The following KCNH7 variants were observed in gnomAD, a reference collection of about 807,000 sequenced individuals.
The protein encoded by KCNH7 is potassium voltage-gated channel subfamily H member 7.
Under a neutral mutation model 120.8 loss-of-function variants are expected in KCNH7, and 49 were observed. That is an observed-to-expected ratio of 0.41 (90% CI 0.32 to 0.51). KCNH7 has a LOEUF of 0.51. KCNH7 is among the 20% of genes least tolerant of loss of function. The pLI is 0.38. For missense variants in KCNH7, 1,097 were observed against 1,446.6 expected (o/e 0.76, Z 3.92); for synonymous variants, 547 against 516.1 (o/e 1.06, Z -0.81).
chr2:162,488,838 C>G (rs1014127752), intron 6 of KCNH7, among the ~76,000 whole-genome samples: 1 of 152,186 alleles, frequency 6.6e-6, no homozygotes, highest in African/African-American at 2.4e-5. Context: ...GCTCCGACAC[C>G]TTGCCCGGCA....
chr2:162,774,475 A>G (rs940147713), intron 2 of KCNH7, among the ~76,000 whole-genome samples: 1 of 152,038 alleles, frequency 6.6e-6, no homozygotes, highest in Non-Finnish European at 1.5e-5. Flanking sequence ...ATTTGATTGT[A>G]TTTTACAACT....
At chr2:162,425,128 T>C (rs990470233) in intron 8 of KCNH7, among the ~76,000 whole-genome samples, 12 of 152,072 alleles carry the variant, frequency 7.9e-5, no homozygotes, top group Admixed American at 2.0e-4. Flanking sequence ...ACTCCAGCCT[T>C]TGGACTTGCG....
chr2:162,725,213 C>A (rs933310457), intron 2 of KCNH7, among the ~76,000 whole-genome samples: 1 of 152,082 alleles, frequency 6.6e-6, no homozygotes, highest in Non-Finnish European at 1.5e-5. Flanking sequence ...TTTATATTCA[C>A]TTTGATTATA....
intron 2 of KCNH7, among the ~76,000 whole-genome samples, chr2:162,636,919 T>C (rs1488872817): frequency 6.6e-6 from 1 of 152,138 alleles, no homozygotes; most frequent in Non-Finnish European, 1.5e-5. Flanking sequence ...ATTCAATCTG[T>C]TTCTTCACTT....
At chr2:162,549,059 G>A (rs2105852803) in intron 2 of KCNH7, among the ~76,000 whole-genome samples, 1 of 152,164 alleles carries the variant, frequency 6.6e-6, no homozygotes, top group South Asian at 2.1e-4. Context: ...CTTATTTATG[G>A]TCCTATTATC....
intron 2 of KCNH7, among the ~76,000 whole-genome samples, chr2:162,592,801 G>C (rs768401765): frequency 6.6e-6 from 1 of 151,984 alleles, no homozygotes; most frequent in African/African-American, 2.4e-5. Context: ...AGTTTCTGTT[G>C]AGCTGGCCAC....
At chr2:162,605,657 T>G (rs573362861) in intron 2 of KCNH7, among the ~76,000 whole-genome samples, 1 of 152,166 alleles carries the variant, frequency 6.6e-6, no homozygotes, top group Non-Finnish European at 1.5e-5. Context: ...TGGAAGGTGA[T>G]AGATGTGAGT....
chr2:162,396,643 C>T, intron 11 of KCNH7, 97 bp downstream of exon 11: 3 of 817,774 alleles, frequency 3.7e-6, no homozygotes, highest in Non-Finnish European at 5.8e-6. Flanking sequence ...TAAAGTCTTG[C>T]TGCAATATTT....
chr2:162,671,682 A>T (rs923272069), intron 2 of KCNH7, among the ~76,000 whole-genome samples: 1 of 152,092 alleles, frequency 6.6e-6, no homozygotes, highest in African/African-American at 2.4e-5. Context: ...TCTATGTAAC[A>T]TAACTGCATG....
intron 6 of KCNH7, among the ~76,000 whole-genome samples, chr2:162,472,384 A>G (rs1208367748): frequency 6.6e-6 from 1 of 152,186 alleles, no homozygotes; most frequent in African/African-American, 2.4e-5. Context: ...ACTCAAACAA[A>G]TTTACAAGAA....
At chr2:162,406,342 A>G (rs915820244) in intron 9 of KCNH7, among the ~76,000 whole-genome samples, 59 of 151,996 alleles carry the variant, frequency 3.9e-4, no homozygotes, top group Admixed American at 3.2e-3. Context: ...AGGTTTATCT[A>G]TGTTGTAATG....
intron 2 of KCNH7, among the ~76,000 whole-genome samples, chr2:162,801,799 C>G: frequency 6.6e-6 from 1 of 151,682 alleles, no homozygotes; most frequent in Admixed American, 6.6e-5. Flanking sequence ...AGAGTCCTGC[C>G]TGAATACTAA....
In KCNH7 at chr2:162,607,591, A is replaced by C. The variant is rs553897817; in HGVS notation, c.308-70511T>G. Among the ~76,000 whole-genome samples the C allele has an allele frequency of 9.9e-5, 15 of 152,264 alleles. No individual in the cohort carries two copies. In the South Asian group the frequency reaches 2.3e-3, roughly 23 times the overall value. ...AGTTGTTAAATTTTGAAATATTAAG[A>C]ACATGTTTTGAAAAAAATTGTGAAT... On this transcript the variant is annotated intron_variant, in intron 2 of 15. Transcript: ENST00000332142.
intron 2 of KCNH7, among the ~76,000 whole-genome samples, chr2:162,778,498 A>G (rs1197955549): frequency 6.6e-6 from 1 of 152,104 alleles, no homozygotes; most frequent in African/African-American, 2.4e-5. Context: ...TTATCTTCTC[A>G]TTACTCTACA....
intron 2 of KCNH7, among the ~76,000 whole-genome samples, chr2:162,778,082 G>C (rs1216192339): frequency 1.3e-5 from 2 of 151,988 alleles, no homozygotes; most frequent in Non-Finnish European, 1.5e-5. Context: ...GGGAAAAACA[G>C]AGATCCTTCT....
At chr2:162,790,151 A>T (rs555207118) in intron 2 of KCNH7, among the ~76,000 whole-genome samples, 8 of 152,082 alleles carry the variant, frequency 5.3e-5, no homozygotes, top group African/African-American at 1.9e-4. Flanking sequence ...AAAAGGAAGC[A>T]TAACCACTGA....
chr2:162,436,644 T>G (rs1246342779), intron 7 of KCNH7, among the ~76,000 whole-genome samples: 1 of 152,174 alleles, frequency 6.6e-6, no homozygotes, highest in African/African-American at 2.4e-5. Flanking sequence ...ACCAATCAAT[T>G]ATTGAGTTAT....
chr2:162,402,477 C>T (rs960163739), intron 9 of KCNH7, among the ~76,000 whole-genome samples: 3 of 150,526 alleles, frequency 2.0e-5, no homozygotes, highest in African/African-American at 7.3e-5. Flanking sequence ...CCCTAGTTTA[C>T]ACAGGCCTCT....
intron 2 of KCNH7, among the ~76,000 whole-genome samples, chr2:162,730,132 A>G (rs1687675794): frequency 6.6e-6 from 1 of 151,814 alleles, no homozygotes; most frequent in Admixed American, 6.6e-5. Context: ...CAAATTAGAA[A>G]ACTAGAAGAT....
Sources: gnomAD v4.1 joint callset for allele counts (sites outside exome capture counted in the v4.1 genomes callset) on GRCh38, gnomAD v4.1.1 for gene constraint, MANE v1.5 for transcripts, NCBI Gene and HGNC (gene_info 2026-07-23, HGNC 2026-07-21) for gene names.